LUZP2: variants seen among roughly 807,000 people sequenced by gnomAD.
LUZP2 encodes the protein leucine zipper protein 2.
LUZP2 carries 52 observed loss-of-function variants against 51.6 expected under a neutral mutation model. That is an observed-to-expected ratio of 1.01 (90% CI 0.81 to 1.27). The LOEUF is 1.27. Ranked by LOEUF, LUZP2 falls within the 50% of genes most tolerant of loss-of-function variation. The pLI, the probability that LUZP2 is intolerant of heterozygous loss-of-function variation, is 0.00. For missense variants in LUZP2, 436 were observed against 395.4 expected (o/e 1.10, Z -0.87); for synonymous variants, 154 against 137.3 (o/e 1.12, Z -0.85).
intron 10 of LUZP2, among the ~76,000 whole-genome samples, chr11:25,054,205 AT>A (rs564909428): frequency 2.0e-4 from 31 of 152,106 alleles, no homozygotes; most frequent in Non-Finnish European, 4.0e-4. Context: ...AAAATTATTG[AT>A]TATCAGTCTG....
chr11:24,522,291 T>C (rs544305798), intron 1 of LUZP2, among the ~76,000 whole-genome samples: 1 of 152,256 alleles, frequency 6.6e-6, no homozygotes, highest in East Asian at 1.9e-4. Context: ...AAACTAATTC[T>C]AAAAACCACC....
At chr11:24,904,957 A>C (rs535532848) in intron 5 of LUZP2, among the ~76,000 whole-genome samples, 1 of 152,314 alleles carries the variant, frequency 6.6e-6, no homozygotes, top group Admixed American at 6.5e-5. Context: ...ACAGATTAGA[A>C]GTAGCTATGC....
At chr11:25,015,864 T>A (rs927010101) in intron 9 of LUZP2, among the ~76,000 whole-genome samples, 1 of 152,022 alleles carries the variant, frequency 6.6e-6, no homozygotes, top group Non-Finnish European at 1.5e-5. Context: ...TTTGGTTACA[T>A]GAACGAATTG....
intron 5 of LUZP2, among the ~76,000 whole-genome samples, chr11:24,765,021 T>A (rs1426389318): frequency 6.6e-6 from 1 of 152,176 alleles, no homozygotes; most frequent in Non-Finnish European, 1.5e-5. Context: ...TACTATTCAC[T>A]TTAATACTAT....
At chr11:24,945,036 C>A (rs1434982826) in intron 7 of LUZP2, among the ~76,000 whole-genome samples, 1 of 152,056 alleles carries the variant, frequency 6.6e-6, no homozygotes, top group Non-Finnish European at 1.5e-5. Flanking sequence ...ATCTGTGCAG[C>A]GAAATTGTAA....
At chr11:24,509,948 G>A (rs1850257964) in intron 1 of LUZP2, among the ~76,000 whole-genome samples, 1 of 152,136 alleles carries the variant, frequency 6.6e-6, no homozygotes, top group African/African-American at 2.4e-5. Flanking sequence ...CAGGTAGTGG[G>A]CAATGTGTGA....
intron 1 of LUZP2, 37 bp downstream of exon 1, chr11:24,497,342 C>A: frequency 6.9e-7 from 1 of 1,451,706 alleles, no homozygotes. Context: ...AGGCCAGGGG[C>A]GCTGCCGGGG....
chr11:24,766,813 G>C (rs1286234711), intron 5 of LUZP2, among the ~76,000 whole-genome samples: 1 of 152,136 alleles, frequency 6.6e-6, no homozygotes, highest in Non-Finnish European at 1.5e-5. Context: ...CCAGGCTACA[G>C]GGCAGTGGCG....
intron 8 of LUZP2, among the ~76,000 whole-genome samples, chr11:24,982,544 C>T: frequency 6.6e-6 from 1 of 151,804 alleles, no homozygotes; most frequent in South Asian, 2.1e-4. Context: ...CACAAGGGAG[C>T]TAAATGATGA....
chr11:24,707,794 C>T (rs71476396), intron 1 of LUZP2, among the ~76,000 whole-genome samples: 16,441 of 152,128 alleles, frequency 0.11, 1,094 homozygotes, highest in East Asian at 0.22. Flanking sequence ...AAATAGCACT[C>T]GAATATAAAA....
chr11:24,501,449 A>C (rs1849990024), intron 1 of LUZP2, among the ~76,000 whole-genome samples: 1 of 152,226 alleles, frequency 6.6e-6, no homozygotes, highest in African/African-American at 2.4e-5. Context: ...CACTGAAACC[A>C]ATGAGGAATG....
intron 7 of LUZP2, among the ~76,000 whole-genome samples, chr11:24,972,139 G>GAAAA (rs10701148): frequency 0.28 from 8,889 of 32,274 alleles, 2,688 homozygotes; most frequent in East Asian, 0.43. Context: ...GTGAGACTCC[G>GAAAA]AAAAAAAAAA....
At chr11:24,711,255 C>T (rs1458429051) in intron 1 of LUZP2, among the ~76,000 whole-genome samples, 4 of 145,748 alleles carry the variant, frequency 2.7e-5, no homozygotes, top group Non-Finnish European at 6.1e-5. Flanking sequence ...CGAGACCATC[C>T]TGGCTAACAC....
At chr11:24,523,942 C>T (rs1174025938) in intron 1 of LUZP2, among the ~76,000 whole-genome samples, 1 of 151,532 alleles carries the variant, frequency 6.6e-6, no homozygotes, top group Non-Finnish European at 1.5e-5. Flanking sequence ...TTTGAAAAAC[C>T]TGAGGTCAGG....
intron 1 of LUZP2, among the ~76,000 whole-genome samples, chr11:24,609,920 G>C (rs1854061370): frequency 6.6e-6 from 1 of 152,048 alleles, no homozygotes; most frequent in African/African-American, 2.4e-5. Flanking sequence ...GATTTTATTG[G>C]ATCAGACTGT....
chr11:24,823,754 G>C (rs1007283785), intron 5 of LUZP2, among the ~76,000 whole-genome samples: 2 of 152,164 alleles, frequency 1.3e-5, no homozygotes, highest in African/African-American at 4.8e-5. Context: ...TTTTCACTAA[G>C]TTTGTAGGCT....
chr11:24,852,608 T>G (rs1590640334), intron 5 of LUZP2, among the ~76,000 whole-genome samples: 1 of 109,762 alleles, frequency 9.1e-6, no homozygotes, highest in African/African-American at 3.8e-5. Flanking sequence ...ATTTTGTAGA[T>G]TATCTATTAG....
At chr11:24,665,503 T>A (rs935823937) in intron 1 of LUZP2, among the ~76,000 whole-genome samples, 5 of 152,166 alleles carry the variant, frequency 3.3e-5, no homozygotes, top group Non-Finnish European at 7.3e-5. Context: ...AGGGGCAGAA[T>A]AATATACTTT....
At position 25,053,540 on chromosome 11, in the gene LUZP2, G is replaced by GC. The variant is rs201504556; in HGVS notation, c.858+3412dup. 6.8e-4 allele frequency among the ~76,000 whole-genome samples: 72 copies of GC among 105,158 alleles called. 1 individual carries two copies. Among genetic ancestry groups the GC allele is most frequent in the South Asian group, 2.4e-3 (8 of 3,378 alleles). 69.0% of individuals were successfully genotyped at this position (105,158 alleles called of 152,430 possible). A position where few individuals can be genotyped will look rare whatever the true frequency, so the allele number is the denominator to read the frequency against. On this transcript the variant is annotated intron_variant, in intron 10 of 11. Transcript: ENST00000336930. ...TCATCTCCCTAATATGATCCCACAT[G>GC]CCTTTTTTTTTTTTTTTTTAATACA... is the stretch of plus-strand genomic sequence containing the variant.
Sources: gnomAD v4.1 joint callset for allele counts (sites outside exome capture counted in the v4.1 genomes callset) on GRCh38, gnomAD v4.1.1 for gene constraint, MANE v1.5 for transcripts, NCBI Gene and HGNC (gene_info 2026-07-23, HGNC 2026-07-21) for gene names.